STK32A: variants seen among roughly 807,000 people sequenced by gnomAD.
The protein encoded by STK32A is serine/threonine kinase 32A.
STK32A carries 41 observed loss-of-function variants against 53.2 expected under a neutral mutation model. The ratio of observed to expected loss-of-function variants is 0.77; its 90% CI spans 0.60 to 1.00. The LOEUF (loss-of-function observed/expected upper bound fraction) is 1.00, where lower values mean the gene tolerates loss of function less well. Ranked by LOEUF, STK32A falls within the 50% of genes least tolerant of loss-of-function variation. The pLI is 0.00. For missense variants in STK32A, 458 were observed against 485.8 expected, an observed-to-expected ratio of 0.94 and a Z score of 0.54; for synonymous variants, 166 against 162.8, an observed-to-expected ratio of 1.02 and a Z score of -0.15.
intron 11 of STK32A, among the ~76,000 whole-genome samples, chr5:147,378,363 G>A (rs551995442): frequency 1.3e-5 from 2 of 152,082 alleles, no homozygotes; most frequent in Non-Finnish European, 2.9e-5. Flanking sequence ...AGATCTTAAT[G>A]TTACAGAGGA....
At chr5:147,307,032 T>C (rs1002495924) in intron 4 of STK32A, among the ~76,000 whole-genome samples, 4 of 152,138 alleles carry the variant, frequency 2.6e-5, no homozygotes, top group African/African-American at 9.7e-5. Context: ...TAACACTAAA[T>C]GAGACATTGA....
At chr5:147,260,230 CTCTG>C (rs1223648766) in intron 2 of STK32A, among the ~76,000 whole-genome samples, 74 of 115,374 alleles carry the variant, frequency 6.4e-4, no homozygotes, top group African/African-American at 2.3e-3. Flanking sequence ...TCTCTCTCCT[CTCTG>C]TCTCTGTCTC....
intron 5 of STK32A, among the ~76,000 whole-genome samples, chr5:147,331,516 A>G (rs1256346725): frequency 1.3e-5 from 2 of 152,234 alleles, no homozygotes; most frequent in East Asian, 3.8e-4. Context: ...CTGTTTACCA[A>G]ATAGCATAAA....
Position 147,303,572 on chromosome 5 carries a change from C to T in STK32A, c.261-20326C>T, listed in dbSNP as rs74355433. On this transcript the variant is annotated intron_variant, in intron 4 of 12. Coordinates refer to ENST00000397936, the MANE Select transcript of STK32A (RefSeq NM_001112724.2). ...TAGGCTCCACTTCTGATGAGTGGCA[C>T]GGCAAAGTCAACATTGCAAAAAGCC... 9.8e-3 allele frequency among the ~76,000 whole-genome samples: 1,497 copies of T among 152,192 alleles called. 121 individuals carry two copies. The East Asian group carries it at 0.21, about 21-fold the overall frequency.
At chr5:147,376,122 T>C (rs1757221924) in intron 11 of STK32A, among the ~76,000 whole-genome samples, 1 of 152,116 alleles carries the variant, frequency 6.6e-6, no homozygotes, top group African/African-American at 2.4e-5. Flanking sequence ...GTGGTAAAGA[T>C]GGCTCTGCAA....
At chr5:147,260,264 C>T (rs79607949) in intron 2 of STK32A, among the ~76,000 whole-genome samples, 27,696 of 110,598 alleles carry the variant, frequency 0.25, 4,871 homozygotes, top group Admixed American at 0.33. Context: ...CCTCTCTCTC[C>T]CTCTCCCCTC....
intron 4 of STK32A, among the ~76,000 whole-genome samples, chr5:147,317,243 C>T (rs1421027583): frequency 4.0e-5 from 6 of 150,278 alleles, no homozygotes; most frequent in African/African-American, 9.8e-5. Flanking sequence ...TATAGATTGA[C>T]GTGACATGAA....
At chr5:147,322,602 T>C (rs1754372768) in intron 4 of STK32A, among the ~76,000 whole-genome samples, 1 of 152,258 alleles carries the variant, frequency 6.6e-6, no homozygotes, top group African/African-American at 2.4e-5. Flanking sequence ...AGGCACTTAA[T>C]TCTTGATTCA....
At chr5:147,322,749 T>C (rs1400188526) in intron 4 of STK32A, among the ~76,000 whole-genome samples, 1 of 152,192 alleles carries the variant, frequency 6.6e-6, no homozygotes, top group Non-Finnish European at 1.5e-5. Flanking sequence ...GAGGTAGGAA[T>C]GCATAGTTAC....
chr5:147,260,304 T>TCTCTCTCTTCTCTGTCTCTATCTGTCTCA (rs1754494288), intron 2 of STK32A, among the ~76,000 whole-genome samples: 1 of 149,554 alleles, frequency 6.7e-6, no homozygotes, highest in African/African-American at 2.5e-5. Flanking sequence ...TGTCTCTCTC[T>TCTCTCTCTTCTCTGTCTCTATCTGTCTCA]CTCTCTCTCT....
chr5:147,274,018 A>C (rs1755152457), intron 2 of STK32A, among the ~76,000 whole-genome samples: 2 of 152,188 alleles, frequency 1.3e-5, no homozygotes, highest in Non-Finnish European at 2.9e-5. Context: ...TTAGTGAAGG[A>C]ATGTGTACTC....
At position 147,279,384 on chromosome 5, in the gene STK32A, C is replaced by T. The variant is rs1049709734; in HGVS notation, c.246C>T (p.Phe82=). 1.9e-6 allele frequency: 3 copies of T among 1,590,042 alleles called. No individual in the cohort carries two copies. Among genetic ancestry groups the T allele is most frequent in the South Asian group, 1.1e-5 (1 of 87,860 alleles). ...LQIMQGLEHP[F]LVNLWYSFQD... is the part of the protein sequence containing the mutation. ...TCATGCAGGGTCTGGAGCACCCTTT[C>T]CTGGTTAATTTGTGGTGAGTAATTT... Residue 82 remains phenylalanine (F), a synonymous_variant, in exon 4 of 13, where the codon TTC becomes TTT. Transcript: ENST00000397936.
chr5:147,295,731 C>T (rs1752836045), intron 4 of STK32A, among the ~76,000 whole-genome samples: 1 of 152,156 alleles, frequency 6.6e-6, no homozygotes, highest in African/African-American at 2.4e-5. Context: ...CTTCATTTGC[C>T]AGTTTTCAAT....
chr5:147,277,618 T>C (rs1038265604), intron 2 of STK32A, among the ~76,000 whole-genome samples: 3 of 152,224 alleles, frequency 2.0e-5, no homozygotes, highest in Non-Finnish European at 2.9e-5. Context: ...AGTAAGAAAA[T>C]AGGCAAGGAG....
At chr5:147,397,272 G>C in the STK32A span, among the ~76,000 whole-genome samples, 2 of 151,710 alleles carry the variant, frequency 1.3e-5, no homozygotes, top group Non-Finnish European at 2.9e-5. Context: ...AATGTTATAA[G>C]TGTTTGCCCC....
intron 4 of STK32A, among the ~76,000 whole-genome samples, chr5:147,303,966 A>C (rs1384954894): frequency 6.6e-6 from 1 of 152,226 alleles, no homozygotes; most frequent in Non-Finnish European, 1.5e-5. Flanking sequence ...TCATTTACTC[A>C]TCCTTTATTG....
chr5:147,373,216 C>A lies in STK32A; in HGVS notation c.825C>A (p.Val275=). 6.2e-7 allele frequency: 1 copy of A among 1,613,402 alleles called. No homozygotes were observed. The highest frequency in any genetic ancestry group is 8.5e-7 in the Non-Finnish European group (1 of 1,179,562). The change falls in exon 10 of 13, where the codon GTC becomes GTA. Residue 275 remains valine, a synonymous_variant. Transcript: ENST00000397936. ...PDQRFSQLSD[V]QNFPYMNDIN... ...AACGATTTTCTCAGTTATCTGATGT[C>A]CAGAACTTCCCGTATATGAATGATA...
At chr5:147,304,547 A>G (rs1753307313) in intron 4 of STK32A, among the ~76,000 whole-genome samples, 1 of 152,182 alleles carries the variant, frequency 6.6e-6, no homozygotes, top group Admixed American at 6.5e-5. Context: ...CATTTAGACC[A>G]GGGACTTGAA....
At chr5:147,295,219 A>G (rs746782647) in intron 4 of STK32A, among the ~76,000 whole-genome samples, 2 of 152,346 alleles carry the variant, frequency 1.3e-5, no homozygotes, top group Non-Finnish European at 2.9e-5. Flanking sequence ...CACAATGCTT[A>G]ATTTAACATG....
Sources: gnomAD v4.1 joint callset for allele counts (sites outside exome capture counted in the v4.1 genomes callset) on GRCh38, gnomAD v4.1.1 for gene constraint, MANE v1.5 for transcripts, NCBI Gene and HGNC (gene_info 2026-07-23, HGNC 2026-07-21) for gene names.